Variants in APP observed in about 807,000 individuals in gnomAD.
APP encodes the protein amyloid beta precursor protein.
Under a neutral mutation model 101.4 loss-of-function variants are expected in APP, and 31 were observed. The ratio of observed to expected loss-of-function variants is 0.31; its 90% CI spans 0.23 to 0.41. APP has a LOEUF of 0.41. Among genes scored for constraint, APP ranks in the 10% least tolerant of loss-of-function variants. The pLI, the probability that APP is intolerant of heterozygous loss-of-function variation, is 1.00. For synonymous variants in APP, 366 were observed against 364.4 expected (o/e 1.00, Z -0.05); for missense variants, 839 against 1,003.7 (o/e 0.84, Z 2.22).
rs13050256 is a variant in APP at position 25,904,766 on chromosome 21, A to C, written c.1963+258T>G. 4.1e-3 allele frequency among the ~76,000 whole-genome samples: 623 copies of C among 151,896 alleles called. 2 individuals carry two copies. The highest frequency in any genetic ancestry group is 0.01 in the Middle Eastern group (3 of 294). ...TTTTAAAGAAAAAAGAAAAAAAAAA[A>C]CCCAAATTTGGAAGGGCTCTCTTTT... On this transcript the variant is annotated intron_variant, in intron 15 of 17. Transcript: ENST00000346798.
intron 1 of APP, among the ~76,000 whole-genome samples, chr21:26,126,946 CCTACAAAATA>C (rs1409692204): frequency 6.6e-6 from 1 of 151,310 alleles, no homozygotes; most frequent in Non-Finnish European, 1.5e-5. Flanking sequence ...AACTGTAAAT[CCTACAAAATA>C]CAGCCTCCCT....
At chr21:26,059,092 T>A (rs867849015) in intron 3 of APP, among the ~76,000 whole-genome samples, 69 of 149,340 alleles carry the variant, frequency 4.6e-4, no homozygotes, top group South Asian at 1.9e-3. Flanking sequence ...AAAAAAAAAA[T>A]AATAATAAAG....
At chr21:26,112,529 T>C (rs2062352540) in intron 1 of APP, among the ~76,000 whole-genome samples, 1 of 152,234 alleles carries the variant, frequency 6.6e-6, no homozygotes, top group Non-Finnish European at 1.5e-5. Context: ...TAAACTCCAC[T>C]GACTCACACA....
chr21:26,052,397 C>G (rs1200799681), intron 4 of APP, among the ~76,000 whole-genome samples: 3 of 152,272 alleles, frequency 2.0e-5, no homozygotes, highest in South Asian at 2.1e-4. Flanking sequence ...AAAATTGACT[C>G]AAGTGAAGCA....
At chr21:26,161,737 CA>C (rs1291762799) in intron 1 of APP, among the ~76,000 whole-genome samples, 1 of 152,114 alleles carries the variant, frequency 6.6e-6, no homozygotes, top group Non-Finnish European at 1.5e-5. Context: ...ACTGTAATGA[CA>C]AAATTATATT....
intron 1 of APP, among the ~76,000 whole-genome samples, chr21:26,128,368 C>A (rs1023242379): frequency 1.3e-5 from 2 of 152,160 alleles, no homozygotes; most frequent in Admixed American, 1.3e-4. Flanking sequence ...CACAATGATT[C>A]TAAACAGAGC....
intron 5 of APP, among the ~76,000 whole-genome samples, chr21:26,044,232 T>C (rs1053639738): frequency 6.6e-6 from 1 of 152,212 alleles, no homozygotes; most frequent in Non-Finnish European, 1.5e-5. Context: ...TTTGCAGCTG[T>C]AATGCACCAT....
chr21:26,156,000 C>CAAAAA (rs757330872), intron 1 of APP, among the ~76,000 whole-genome samples: 2 of 90,168 alleles, frequency 2.2e-5, no homozygotes, highest in African/African-American at 3.7e-5. Context: ...GACTTCGTCT[C>CAAAAA]AAAAAAAAAA....
rs558071451 is a variant in APP, at chr21:25,990,909, C to T, written c.1090+6451G>A. Among the ~76,000 whole-genome samples the T allele has an allele frequency of 9.2e-5, 14 of 152,200 alleles. No homozygotes were observed. In the South Asian group the frequency reaches 2.5e-3, roughly 27 times the overall value. On this transcript the variant is annotated intron_variant, in intron 8 of 17. Coordinates refer to ENST00000346798, the MANE Select transcript of APP (RefSeq NM_000484.4). ...TGCACAGTTCACAACTGCAAAGATA[C>T]GGAACCAACCTAAGTGCCCATCAAC... is the stretch of plus-strand genomic sequence containing the variant.
At position 26,038,167 on chromosome 21, in the gene APP, T is replaced by TA. The variant is rs1373826601; in HGVS notation, c.662+12832dup. Among the ~76,000 whole-genome samples, 7 of 151,970 alleles carry TA rather than the reference T, an allele frequency of 4.6e-5. No individual in the cohort carries two copies. In the East Asian group the frequency reaches 5.8e-4, roughly 13 times the overall value. On this transcript the variant is annotated intron_variant, in intron 5 of 17. Coordinates refer to ENST00000346798, the MANE Select transcript of APP (RefSeq NM_000484.4). ...TCTAGTCCTTTTTGCTTCCCTAAAA[T>TA]AAAAAAACTCCTACATATTTAAATT...
At chr21:26,047,832 G>A (rs1026891395) in intron 5 of APP, among the ~76,000 whole-genome samples, 5 of 152,256 alleles carry the variant, frequency 3.3e-5, no homozygotes, top group African/African-American at 1.2e-4. Flanking sequence ...GAATTGAGAC[G>A]TGCTGTTAAA....
intron 7 of APP, among the ~76,000 whole-genome samples, chr21:25,998,670 A>G (rs1371046489): frequency 6.6e-6 from 1 of 152,182 alleles, no homozygotes; most frequent in Admixed American, 6.5e-5. Context: ...ACAGCGGAGA[A>G]TTAGGCAGGA....
chr21:26,137,995 T>A (rs1241490251), intron 1 of APP, among the ~76,000 whole-genome samples: 1 of 152,168 alleles, frequency 6.6e-6, no homozygotes, highest in Non-Finnish European at 1.5e-5. Context: ...GTATTTTTTG[T>A]GGTTCTAATG....
chr21:26,000,065 C>G lies in APP; in HGVS notation c.983G>C (p.Arg328Pro). ...GTACTCTTCTGTGTCAAAGTTGTTC[C>G]GGTTGCCGCCACATCCGCCGTAAAA... ...PFFYGGCGGN[R>P]NNFDTEEYCM... The change falls in exon 7 of 18, where the codon CGG becomes CCG. Residue 328 changes from arginine (R) to proline (P), a missense_variant. Physicochemically the swap from Arg to Pro is moderately radical, Grantham distance 103. Transcript: ENST00000346798. The G allele has an allele frequency of 6.2e-7, 1 of 1,614,106 alleles. No homozygotes were observed. Among genetic ancestry groups the G allele is most frequent in the Non-Finnish European group, 8.5e-7 (1 of 1,180,002 alleles).
intron 13 of APP, among the ~76,000 whole-genome samples, chr21:25,951,884 A>G (rs1318631938): frequency 6.6e-6 from 1 of 152,224 alleles, no homozygotes; most frequent in African/African-American, 2.4e-5. Context: ...ATTGTTTTAA[A>G]TGTTCCTTCA....
At chr21:25,969,593 A>T (rs1228711980) in intron 11 of APP, among the ~76,000 whole-genome samples, 2 of 151,954 alleles carry the variant, frequency 1.3e-5, no homozygotes, top group Non-Finnish European at 2.9e-5. Context: ...TAATATCAGC[A>T]CTTTAAAAAG....
chr21:25,986,075 A>C (rs560011029), intron 8 of APP, among the ~76,000 whole-genome samples: 18 of 152,350 alleles, frequency 1.2e-4, no homozygotes, highest in Admixed American at 3.3e-4. Flanking sequence ...TAAAGAGATT[A>C]AATTCATAGG....
chr21:26,079,568 G>A (rs183479035), intron 3 of APP, among the ~76,000 whole-genome samples: 1 of 152,272 alleles, frequency 6.6e-6, no homozygotes, highest in East Asian at 1.9e-4. Context: ...CAGAAATCCA[G>A]TGTTCAGCTG....
At chr21:25,904,116 A>C (rs1261531750) in intron 15 of APP, among the ~76,000 whole-genome samples, 2 of 152,234 alleles carry the variant, frequency 1.3e-5, no homozygotes, top group Non-Finnish European at 2.9e-5. Flanking sequence ...TATGAGGATA[A>C]AGAAGAAAAT....
Sources: allele counts gnomAD v4.1 joint callset (sites outside exome capture counted in the v4.1 genomes callset), GRCh38; gene constraint gnomAD v4.1.1; transcripts MANE v1.5; gene names NCBI Gene and HGNC (gene_info 2026-07-23, HGNC 2026-07-21).